Variants in CHD3 observed in about 807,000 individuals in gnomAD.
CHD3 encodes ATP-dependent chromatin remodeler CHD3.
A neutral mutation model predicts 248.9 loss-of-function variants in CHD3; 52 were observed. The ratio of observed to expected loss-of-function variants is 0.21; its 90% CI spans 0.17 to 0.26. The LOEUF is 0.26. Among genes scored for constraint, CHD3 ranks in the 10% least tolerant of loss-of-function variants. The pLI is 1.00. For synonymous variants in CHD3, 985 were observed against 985.2 expected (o/e 1.00, Z 0.00); for missense variants, 1,482 against 2,605.8 (o/e 0.57, Z 9.39).
In CHD3 at chr17:7,912,091, G is replaced by A; in HGVS notation, c.*506G>A. On this transcript the variant is annotated 3_prime_UTR_variant, in exon 40 of 40. Transcript: ENST00000330494. ...GAGGGAGGAAGGGACGAGGAGGGGTGGCTGCATGTTACCGTCCCCTACCTC... is the reference window on the plus strand; with the variant it reads ...GAGGGAGGAAGGGACGAGGAGGGGTAGCTGCATGTTACCGTCCCCTACCTC... 1 of 258,662 alleles carries A rather than the reference G, an allele frequency of 3.9e-6. No homozygotes were observed. 16.0% of individuals were successfully genotyped at this position (258,662 alleles called of 1,614,324 possible). A position where few individuals can be genotyped will look rare whatever the true frequency, so the allele number is the denominator to read the frequency against.
rs948335620 is a variant in CHD3, at chr17:7,904,106, C to G, written c.3894+115C>G. On this transcript the variant is annotated intron_variant, in intron 24 of 39. Coordinates refer to ENST00000330494, the MANE Select transcript of CHD3 (RefSeq NM_001005273.3). This position sits in a 1 kb window ranked among gnomAD's most constrained non-coding sequence, Gnocchi z 4.4. ...TCCCCCTTAAAACAGTAGTGGACCT[C>G]AAACAACTTCTTCGTCTAATAGGTG... 9.2e-7 allele frequency: 1 copy of G among 1,091,616 alleles called. No homozygotes were observed. Among genetic ancestry groups the G allele is most frequent in the Non-Finnish European group, 1.3e-6 (1 of 757,096 alleles). The allele number at this position is 1,091,616 out of a possible 1,614,324, so 67.6% of individuals were successfully genotyped here.
In CHD3 at chr17:7,910,361, T is replaced by C; in HGVS notation, c.5591-67T>C. On this transcript the variant is annotated intron_variant, in intron 37 of 39. Coordinates refer to ENST00000330494, the MANE Select transcript of CHD3 (RefSeq NM_001005273.3). This position sits in a 1 kb window ranked among gnomAD's most constrained non-coding sequence, Gnocchi z 4.7. ...ATCTGTCCATCTGATGCCTCTCTTT[T>C]CCTGGCTCCATCTCTGTATTTCCCT... is the stretch of plus-strand genomic sequence containing the variant. 2 of 1,603,196 alleles carry C rather than the reference T, an allele frequency of 1.2e-6. No homozygotes were observed. Among genetic ancestry groups the C allele is most frequent in the Non-Finnish European group, 1.7e-6 (2 of 1,170,290 alleles).
In CHD3 at chr17:7,897,892, C is replaced by T. The variant is rs552604306; in HGVS notation, c.1920-79C>T. On this transcript the variant is annotated intron_variant, in intron 11 of 39. Transcript: ENST00000330494. The surrounding 1 kb of genome is among the most constrained non-coding windows in gnomAD (Gnocchi z 4.8). ...AATTTTGTGTGTTTGCTGATAATTG[C>T]GTTTCTCAGGCCTTCTTTCTGTTTG... 9.3e-5 allele frequency: 137 copies of T among 1,467,250 alleles called. 1 individual carries two copies. In the African/African-American group the frequency reaches 1.8e-3, roughly 19 times the overall value. The allele number at this position is 1,467,250 out of a possible 1,614,324, so 90.9% of individuals were successfully genotyped here.
chr17:7,898,938 C>T, intron 13 of CHD3, 73 bp from the exon 14 acceptor site: 3 of 1,332,780 alleles, frequency 2.3e-6, no homozygotes, highest in East Asian at 4.6e-5. Flanking sequence ...GTATCCATGC[C>T]AGGGAGGAAG....
At position 7,899,647 on chromosome 17, in the gene CHD3, T is replaced by C. The variant is rs1970074193; in HGVS notation, c.2544+104T>C. On this transcript the variant is annotated intron_variant, in intron 15 of 39. Transcript: ENST00000330494. The surrounding 1 kb of genome is among the most constrained non-coding windows in gnomAD (Gnocchi z 6.8). ...ATTCCCCTCCTCACCTTTCTCCTCT[T>C]CCTCCACCTGTCCTCCTGTCTCTGC... The C allele has an allele frequency of 8.2e-7, 1 of 1,221,714 alleles. No individual in the cohort carries two copies. The allele number at this position is 1,221,714 out of a possible 1,614,324, so 75.7% of individuals were successfully genotyped here.
intron 5 of CHD3, 22 bp from the exon 6 acceptor site, chr17:7,893,783 C>G: frequency 6.2e-7 from 1 of 1,608,412 alleles, no homozygotes; most frequent in Non-Finnish European, 8.5e-7. Context: ...TTTTCCTCTT[C>G]TCACCCCGAC....
At position 7,900,885 on chromosome 17, in the gene CHD3, T is replaced by C; in HGVS notation, c.3012T>C (p.Phe1004=). Residue 1004 remains phenylalanine, a synonymous_variant, in exon 19 of 40, where the codon TTT becomes TTC. Transcript: ENST00000330494. The surrounding 1 kb of genome is among the most constrained non-coding windows in gnomAD (Gnocchi z 6.5). The part of the protein sequence containing the change: ...KYYKYILTRN[F]EALNSRGGGN... Reference sequence around the variant, plus strand: ...ACAAATACATCCTGACTCGAAATTTTGAGGCCTTGAATTCACGAGGTGGTG... The same window carrying C: ...ACAAATACATCCTGACTCGAAATTTCGAGGCCTTGAATTCACGAGGTGGTG... 1 of 1,614,178 alleles carries C rather than the reference T, an allele frequency of 6.2e-7. No individual in the cohort carries two copies. The highest frequency in any genetic ancestry group is 8.5e-7 in the Non-Finnish European group (1 of 1,180,030).
In CHD3 at chr17:7,904,121, T is replaced by C. The variant is rs770934671; in HGVS notation, c.3894+130T>C. The stretch of plus-strand genomic sequence containing the variant: ...TAGTGGACCTCAAACAACTTCTTCG[T>C]CTAATAGGTGAGACTGGACTTCAGA... On this transcript the variant is annotated intron_variant, in intron 24 of 39. Transcript: ENST00000330494. The surrounding 1 kb of genome is among the most constrained non-coding windows in gnomAD (Gnocchi z 4.4). 1.1e-6 allele frequency: 1 copy of C among 934,534 alleles called. No homozygotes were observed. Among genetic ancestry groups the C allele is most frequent in the Non-Finnish European group, 1.6e-6 (1 of 622,836 alleles). 57.9% of individuals were successfully genotyped at this position (934,534 alleles called of 1,614,324 possible). A position where few individuals can be genotyped will look rare whatever the true frequency, so the allele number is the denominator to read the frequency against.
Position 7,889,334 on chromosome 17 carries a change from G to C in CHD3, c.100+234G>C, listed in dbSNP as rs952251817. Among the ~76,000 whole-genome samples the C allele has an allele frequency of 9.9e-5, 15 of 152,268 alleles. No homozygotes were observed. Among genetic ancestry groups the C allele is most frequent in the Non-Finnish European group, 2.2e-4 (15 of 68,046 alleles). On this transcript the variant is annotated intron_variant, in intron 1 of 39. Coordinates refer to ENST00000330494, the MANE Select transcript of CHD3 (RefSeq NM_001005273.3). This position sits in a 1 kb window ranked among gnomAD's most constrained non-coding sequence, Gnocchi z 4.5. ...CAGGATGCCAGCTGGCGAAGTGAGG[G>C]GGAAGGCAGGAGGAGCCCTGGCGGT...
intron 2 of CHD3, 125 bp from the exon 3 acceptor site, chr17:7,890,446 T>G: frequency 1.8e-5 from 12 of 663,732 alleles, no homozygotes; most frequent in East Asian, 3.2e-5. Context: ...AAAAAGGAGA[T>G]AAAAAATTAG....
In CHD3 at chr17:7,912,084, G is replaced by T; in HGVS notation, c.*499G>T. On this transcript the variant is annotated 3_prime_UTR_variant, in exon 40 of 40. Coordinates refer to ENST00000330494, the MANE Select transcript of CHD3 (RefSeq NM_001005273.3). ...GCCCTGGGAGGGAGGAAGGGACGAG[G>T]AGGGGTGGCTGCATGTTACCGTCCC... The T allele has an allele frequency of 3.8e-6, 1 of 262,732 alleles. No individual in the cohort carries two copies. Among genetic ancestry groups the T allele is most frequent in the South Asian group, 3.8e-5 (1 of 26,572 alleles). The allele number at this position is 262,732 out of a possible 1,614,324, so 16.3% of individuals were successfully genotyped here.
At position 7,902,718 on chromosome 17, in the gene CHD3, C is replaced by T; in HGVS notation, c.3361C>T (p.Arg1121Trp). Residue 1121 changes from arginine (R) to tryptophan (W), a missense_variant, in exon 21 of 40, where the codon CGG becomes TGG. By Grantham distance (101) the Arg-to-Trp change is moderately radical. This residue lies in a region of CHD3 where 18 missense variants were observed against 45.2 expected (regional missense o/e 0.40). Transcript: ENST00000330494. ...TGCCCTGAGGCAGGAGGCCATCGAT[C>T]GGTTTAATGGTGAGGGAGATACACT... ...TGALRQEAID[R>W]FNAPGAQQFC... 2 of 1,613,070 alleles carry T rather than the reference C, an allele frequency of 1.2e-6. No individual in the cohort carries two copies. The highest frequency in any genetic ancestry group is 8.5e-7 in the Non-Finnish European group (1 of 1,179,286).
chr17:7,895,454 G>A lies in CHD3; in HGVS notation c.1619G>A (p.Arg540His), dbSNP rs754854794. Residue 540 changes from arginine to histidine, a missense_variant, in exon 10 of 40, where the codon CGT (arginine) becomes CAT (histidine). Physicochemically the swap from Arg to His is conservative, Grantham distance 29 (BLOSUM62 0). Coordinates refer to ENST00000330494, the MANE Select transcript of CHD3 (RefSeq NM_001005273.3). The surrounding 1 kb of genome is among the most constrained non-coding windows in gnomAD (Gnocchi z 4.9). ...ADGNPDVPPP[R>H]PLQGRSEREF... ...GGAAATCCAGATGTCCCACCCCCCC[G>A]TCCTCTTCAAGGCAGATCAGAGCGA... The A allele has an allele frequency of 3.3e-5, 54 of 1,613,908 alleles. No homozygotes were observed. Among genetic ancestry groups the A allele is most frequent in the Middle Eastern group, 1.6e-4 (1 of 6,084 alleles).
chr17:7,905,175 G>C lies in CHD3; in HGVS notation c.4138+10G>C. The C allele has an allele frequency of 6.2e-7, 1 of 1,613,370 alleles. No individual in the cohort carries two copies. The highest frequency in any genetic ancestry group is 8.5e-7 in the Non-Finnish European group (1 of 1,179,252). ...GATGAACGTCCTGAAGGTGGCATCT[G>C]TGTTCCTGACTCTACCTCACCTCTT... On this transcript the variant is annotated intron_variant, in intron 26 of 39. Transcript: ENST00000330494. The surrounding 1 kb of genome is among the most constrained non-coding windows in gnomAD (Gnocchi z 5.8).
chr17:7,898,590 AATG>A lies in CHD3; in HGVS notation c.2150_2151+1del. On this transcript the variant is annotated inframe_deletion and splice_region_variant, in exon 13 of 40. Coordinates refer to ENST00000330494, the MANE Select transcript of CHD3 (RefSeq NM_001005273.3). ...TGATGGGCCTCCCAGTTCTCCCACT[AATG>A]ATGTGAGTCCTCTCAGTTGTCATTT... is the stretch of plus-strand genomic sequence containing the variant. 1 of 1,611,014 alleles carries A rather than the reference AATG, an allele frequency of 6.2e-7. No individual in the cohort carries two copies. Among genetic ancestry groups the A allele is most frequent in the Non-Finnish European group, 8.5e-7 (1 of 1,177,646 alleles).
rs1971641051 is a variant in CHD3, at chr17:7,911,404, A to G, written c.5882-60A>G. On this transcript the variant is annotated intron_variant, in intron 39 of 39. Transcript: ENST00000330494. The surrounding 1 kb of genome is among the most constrained non-coding windows in gnomAD (Gnocchi z 5.4). ...CTAGAAGTGAGAATTCACCATTGTC[A>G]TGAAGTGACGTTTGAGAGTGATCTG... The G allele has an allele frequency of 7.4e-6, 12 of 1,613,080 alleles. No homozygotes were observed. Among genetic ancestry groups the G allele is most frequent in the Non-Finnish European group, 1.0e-5 (12 of 1,179,556 alleles).
intron 4 of CHD3, among the ~76,000 whole-genome samples, chr17:7,892,193 C>T (rs1465904076): frequency 6.6e-6 from 1 of 152,156 alleles, no homozygotes; most frequent in Non-Finnish European, 1.5e-5. Flanking sequence ...GGGCTTTTCT[C>T]AGCACCATGG....
intron 12 of CHD3, 109 bp downstream of exon 12, chr17:7,898,211 A>G (rs1345539491): frequency 7.5e-7 from 1 of 1,330,926 alleles, no homozygotes; most frequent in African/African-American, 1.5e-5. Flanking sequence ...CCTGGAGTTC[A>G]GGGCAATGGC....
Position 7,895,494 on chromosome 17 carries a change from G to A in CHD3, c.1659G>A (p.Lys553=). 6.2e-7 allele frequency: 1 copy of A among 1,614,126 alleles called. No homozygotes were observed. Among genetic ancestry groups the A allele is most frequent in the South Asian group, 1.1e-5 (1 of 91,078 alleles). ...QGRSEREFFV[K]WVGLSYWHCS... is the part of the protein sequence containing the mutation. ...GATCAGAGCGAGAGTTCTTTGTCAAGTGGGTAGGACTATCCTACTGGCACT... is the reference window on the plus strand; with the variant it reads ...GATCAGAGCGAGAGTTCTTTGTCAAATGGGTAGGACTATCCTACTGGCACT... The change falls in exon 10 of 40, where the codon AAG becomes AAA. Residue 553 remains lysine, a synonymous_variant. Coordinates refer to ENST00000330494, the MANE Select transcript of CHD3 (RefSeq NM_001005273.3). This position sits in a 1 kb window ranked among gnomAD's most constrained non-coding sequence, Gnocchi z 4.9.
Sources: gnomAD v4.1 joint callset for allele counts (sites outside exome capture counted in the v4.1 genomes callset) on GRCh38, gnomAD v4.1.1 for gene constraint, gnomAD v4.1.1 regional missense constraint, Gnocchi (gnomAD v3.1) non-coding constraint, MANE v1.5 for transcripts, NCBI Gene and HGNC (gene_info 2026-07-23, HGNC 2026-07-21) for gene names.